The following DLGAP1 variants were observed in gnomAD, a reference collection of about 807,000 sequenced individuals.
The protein encoded by DLGAP1 is DLG associated protein 1.
In DLGAP1, 11 loss-of-function variants were observed where a neutral mutation model predicts 90.8. The observed-to-expected ratio is 0.12, with a 90% CI of 0.08 to 0.20. The LOEUF is 0.20. Ranked by LOEUF, DLGAP1 falls within the 10% of genes least tolerant of loss-of-function variation. The pLI, the probability that DLGAP1 is intolerant of heterozygous loss-of-function variation, is 1.00. For synonymous variants in DLGAP1, 558 were observed against 540.7 expected, an observed-to-expected ratio of 1.03 and a Z score of -0.44; for missense variants, 1,050 against 1,333.8, an observed-to-expected ratio of 0.79 and a Z score of 3.31.
chr18:3,658,680 G>A (rs903259886), intron 7 of DLGAP1, among the ~76,000 whole-genome samples: 4 of 152,100 alleles, frequency 2.6e-5, no homozygotes, highest in South Asian at 2.1e-4. Flanking sequence ...AAACCAAAAC[G>A]CAAGGTCAGG....
intron 7 of DLGAP1, among the ~76,000 whole-genome samples, chr18:3,664,191 C>T (rs1227263748): frequency 7.7e-6 from 1 of 130,174 alleles, no homozygotes; most frequent in African/African-American, 3.5e-5. Flanking sequence ...TATACACACA[C>T]ACACACACAC....
intron 5 of DLGAP1, among the ~76,000 whole-genome samples, chr18:3,755,444 T>C (rs905573458): frequency 6.6e-6 from 1 of 151,206 alleles, no homozygotes; most frequent in Non-Finnish European, 1.5e-5. Context: ...CTTGCAAAAA[T>C]ATAGCATGCA....
At chr18:4,447,733 T>C in intron 1 of DLGAP1, among the ~76,000 whole-genome samples, 1 of 152,082 alleles carries the variant, frequency 6.6e-6, no homozygotes, top group East Asian at 1.9e-4. Flanking sequence ...GAGTCAAATA[T>C]TGCTTGAAAA....
At chr18:3,636,219 C>A (rs1032196106) in intron 7 of DLGAP1, among the ~76,000 whole-genome samples, 1 of 151,332 alleles carries the variant, frequency 6.6e-6, no homozygotes, top group South Asian at 2.1e-4. Flanking sequence ...TCCTGTGAAG[C>A]CTTCCTAGGT....
intron 8 of DLGAP1, among the ~76,000 whole-genome samples, chr18:3,577,067 G>A (rs527413831): frequency 1.3e-4 from 20 of 151,960 alleles, no homozygotes; most frequent in African/African-American, 3.4e-4. Flanking sequence ...CACCATGTTG[G>A]TCAGGTTGGT....
At chr18:4,007,562 A>G (rs546899822) in intron 2 of DLGAP1, among the ~76,000 whole-genome samples, 16 of 152,274 alleles carry the variant, frequency 1.1e-4, no homozygotes, top group Admixed American at 3.9e-4. Context: ...AGGCTGAGGC[A>G]GGAGAATCAC....
intron 1 of DLGAP1, among the ~76,000 whole-genome samples, chr18:4,425,977 G>C (rs995610022): frequency 2.6e-5 from 4 of 152,122 alleles, no homozygotes; most frequent in Non-Finnish European, 5.9e-5. Flanking sequence ...ATTGCCTAGT[G>C]ATTCACATTG....
intron 3 of DLGAP1, chr18:3,995,140 T>C (rs1455754060): frequency 1.4e-5 from 2 of 145,732 alleles, no homozygotes; most frequent in Non-Finnish European, 3.0e-5. Flanking sequence ...TTTTTTTTTT[T>C]AGCTTTGGCC....
chr18:4,148,920 T>TCAAAA (rs2076629292), intron 2 of DLGAP1, among the ~76,000 whole-genome samples: 1 of 152,206 alleles, frequency 6.6e-6, no homozygotes, highest in Non-Finnish European at 1.5e-5. Flanking sequence ...TGTCCTCATG[T>TCAAAA]CAAAACAAAA....
chr18:4,045,521 C>A (rs1023854926), intron 2 of DLGAP1, among the ~76,000 whole-genome samples: 1 of 143,950 alleles, frequency 6.9e-6, no homozygotes, highest in East Asian at 2.1e-4. Context: ...ATCGCTTGAG[C>A]CTGGGAGGTT....
At position 3,757,845 on chromosome 18, in the gene DLGAP1, G is replaced by A. The variant is rs181576437; in HGVS notation, c.1173-15333C>T. On this transcript the variant is annotated intron_variant, in intron 5 of 12. Coordinates refer to ENST00000315677, the MANE Select transcript of DLGAP1 (RefSeq NM_004746.4). ...ATAAGACTGAGAGAGGGTGGACGCG[G>A]TGGCTGTTGCCTGTAATCCCAGCAC... 6.8e-3 allele frequency among the ~76,000 whole-genome samples: 1,035 copies of A among 152,304 alleles called. 12 individuals are homozygous for A. Among genetic ancestry groups the A allele is most frequent in the African/African-American group, 0.024 (988 of 41,566 alleles).
intron 2 of DLGAP1, among the ~76,000 whole-genome samples, chr18:4,124,842 G>A (rs887686754): frequency 4.6e-5 from 7 of 152,148 alleles, no homozygotes; most frequent in African/African-American, 1.7e-4. Context: ...GAAAGGCCAT[G>A]CATACATCCC....
chr18:4,045,184 T>C (rs1219082644), intron 2 of DLGAP1, among the ~76,000 whole-genome samples: 1 of 152,054 alleles, frequency 6.6e-6, no homozygotes, highest in Non-Finnish European at 1.5e-5. Context: ...TGCCCTGCAC[T>C]GTCCCTCGAC....
intron 7 of DLGAP1, among the ~76,000 whole-genome samples, chr18:3,642,699 T>C (rs998970216): frequency 2.6e-5 from 4 of 152,238 alleles, no homozygotes; most frequent in Non-Finnish European, 5.9e-5. Flanking sequence ...TGCCTTTGCT[T>C]ACTATAATTA....
intron 1 of DLGAP1, among the ~76,000 whole-genome samples, chr18:4,246,443 T>C (rs1442216168): frequency 2.0e-5 from 3 of 152,166 alleles, no homozygotes; most frequent in Non-Finnish European, 4.4e-5. Flanking sequence ...CAATCTGGGA[T>C]ATGGTCACAC....
At chr18:4,203,115 A>G (rs2077640181) in intron 1 of DLGAP1, among the ~76,000 whole-genome samples, 2 of 152,118 alleles carry the variant, frequency 1.3e-5, no homozygotes, top group Non-Finnish European at 2.9e-5. Context: ...CTCTACTAAA[A>G]ATACAAAAAA....
intron 7 of DLGAP1, among the ~76,000 whole-genome samples, chr18:3,610,215 G>A (rs1168861755): frequency 6.6e-6 from 1 of 152,006 alleles, no homozygotes. Context: ...CTGTTCAGAG[G>A]GCCCACAGGC....
intron 1 of DLGAP1, among the ~76,000 whole-genome samples, chr18:4,261,798 C>T (rs73376945): frequency 0.013 from 2,041 of 152,156 alleles, 40 homozygotes; most frequent in African/African-American, 0.045. Context: ...CTTCCTTAAT[C>T]ACAAATGTAT....
chr18:3,501,808 G>A (rs990938779), intron 12 of DLGAP1, among the ~76,000 whole-genome samples: 3 of 151,994 alleles, frequency 2.0e-5, no homozygotes, highest in Admixed American at 1.3e-4. Flanking sequence ...TGTGAGCCTC[G>A]TGGAACACCA....
Sources: gnomAD v4.1 joint callset for allele counts (sites outside exome capture counted in the v4.1 genomes callset) on GRCh38, gnomAD v4.1.1 for gene constraint, MANE v1.5 for transcripts, NCBI Gene and HGNC (gene_info 2026-07-23, HGNC 2026-07-21) for gene names.